KCNC3: variants seen among roughly 807,000 people sequenced by gnomAD.
The protein encoded by KCNC3 is potassium voltage-gated channel subfamily C member 3.
Under a neutral mutation model 43.9 loss-of-function variants are expected in KCNC3, and 22 were observed. The ratio of observed to expected loss-of-function variants is 0.50; its 90% CI spans 0.36 to 0.72. The LOEUF (loss-of-function observed/expected upper bound fraction) is 0.72, where lower values mean the gene tolerates loss of function less well. Among genes scored for constraint, KCNC3 ranks in the 30% least tolerant of loss-of-function variants. The probability of loss-of-function intolerance (pLI) is 0.00; values close to 1 mark genes in which losing one functional copy is unlikely to be tolerated. For synonymous variants in KCNC3, 492 were observed against 488.0 expected (o/e 1.01, Z -0.11); for missense variants, 829 against 1,073.8 (o/e 0.77, Z 3.19).
At chr19:50,320,457 G>C (rs2037015405) in intron 3 of KCNC3, 108 bp from the exon 4 acceptor site, 16 of 770,970 alleles carry the variant, frequency 2.1e-5, no homozygotes, top group Non-Finnish European at 3.4e-5. Flanking sequence ...GGGAAGATCT[G>C]GGAGGGAGGC....
chr19:50,320,427 A>C (rs1472190965), intron 3 of KCNC3, 78 bp from the exon 4 acceptor site: 1 of 626,804 alleles, frequency 1.6e-6, no homozygotes, highest in Non-Finnish European at 2.8e-6. Context: ...AGTGGTGAGG[A>C]AACTTGGGGC....
rs567609291 is a variant in KCNC3, at chr19:50,324,886, A to G, written c.871-804T>C. On this transcript the variant is annotated intron_variant, in intron 1 of 4. Transcript: ENST00000477616. The surrounding 1 kb of genome is among the most constrained non-coding windows in gnomAD (Gnocchi z 4.1). The stretch of plus-strand genomic sequence containing the variant: ...TGGGGGTCCGGGCCCTTAAGGGAGG[A>G]GGGGTTGAAGGGTTAAGCCTGCAAA... Among the ~76,000 whole-genome samples, 1 of 151,666 alleles carries G rather than the reference A, an allele frequency of 6.6e-6. No individual in the cohort carries two copies. The highest frequency in any genetic ancestry group is 1.5e-5 in the Non-Finnish European group (1 of 67,906).
rs1479269550 is a variant in KCNC3 at position 50,323,409 on chromosome 19, G to A, written c.1544C>T (p.Ser515Leu). 1.9e-6 allele frequency: 3 copies of A among 1,614,032 alleles called. No homozygotes were observed. The highest frequency in any genetic ancestry group is 1.7e-5 in the Admixed American group (1 of 60,012). ...GYGDMYPKTW[S>L]GMLVGALCAL... ...ACACAGCGCCCCGACCAGCATCCCCGACCACGTCTTGGGGTACATGTCTCC... is the reference window on the plus strand; with the variant it reads ...ACACAGCGCCCCGACCAGCATCCCCAACCACGTCTTGGGGTACATGTCTCC... Residue 515 changes from serine (S) to leucine (L), a missense_variant, in exon 2 of 5, where the codon TCG (serine) becomes TTG (leucine). By Grantham distance (145) the Ser-to-Leu change is moderately radical (BLOSUM62 -2). Coordinates refer to ENST00000477616, the MANE Select transcript of KCNC3 (RefSeq NM_004977.3).
rs1004733793 is a variant in KCNC3 at position 50,324,393 on chromosome 19, C to T, written c.871-311G>A. ...TGCTGTTTCCTAGACCACCTCCCCC[C>T]ACCCTCCTGTTCCCTGTGTCCTATT... On this transcript the variant is annotated intron_variant, in intron 1 of 4. Coordinates refer to ENST00000477616, the MANE Select transcript of KCNC3 (RefSeq NM_004977.3). The surrounding 1 kb of genome is among the most constrained non-coding windows in gnomAD (Gnocchi z 4.1). Among the ~76,000 whole-genome samples, 11 of 152,204 alleles carry T rather than the reference C, an allele frequency of 7.2e-5. No individual in the cohort carries two copies. The highest frequency in any genetic ancestry group is 1.2e-4 in the Non-Finnish European group (8 of 68,044).
chr19:50,316,545 A>ATT (rs1401353146), intron 4 of KCNC3, among the ~76,000 whole-genome samples: 1 of 152,108 alleles, frequency 6.6e-6, no homozygotes, highest in African/African-American at 2.4e-5. Context: ...GTTCGAGACC[A>ATT]GCCTGGCCAA....
chr19:50,324,139 A>C lies in KCNC3; in HGVS notation c.871-57T>G. On this transcript the variant is annotated intron_variant, in intron 1 of 4. Coordinates refer to ENST00000477616, the MANE Select transcript of KCNC3 (RefSeq NM_004977.3). The surrounding 1 kb of genome is among the most constrained non-coding windows in gnomAD (Gnocchi z 4.1). ...AGGTGACCTAGGCATCAGGTTGGCC[A>C]TAACATCCAGAAGACCCTTCCAGTG... 6.6e-7 allele frequency: 1 copy of C among 1,516,956 alleles called. No homozygotes were observed. Among genetic ancestry groups the C allele is most frequent in the Non-Finnish European group, 8.8e-7 (1 of 1,131,050 alleles). 94.0% of individuals were successfully genotyped at this position (1,516,956 alleles called of 1,614,324 possible).
chr19:50,314,816 G>A lies in KCNC3; in HGVS notation c.*1299C>T, dbSNP rs1481121324. ...CCCCAGCTCCTTTGACCTTCTTCCCGGTCACCCCCGAGTCCCCCCACAGGG... is the reference window on the plus strand; with the variant it reads ...CCCCAGCTCCTTTGACCTTCTTCCCAGTCACCCCCGAGTCCCCCCACAGGG... On this transcript the variant is annotated 3_prime_UTR_variant, in exon 5 of 5. Coordinates refer to ENST00000477616, the MANE Select transcript of KCNC3 (RefSeq NM_004977.3). 5 of 371,306 alleles carry A rather than the reference G, an allele frequency of 1.3e-5. No homozygotes were observed. The highest frequency in any genetic ancestry group is 2.2e-5 in the African/African-American group (1 of 45,010). The allele number at this position is 371,306 out of a possible 1,614,324, so 23.0% of individuals were successfully genotyped here.
chr19:50,329,016 G>T lies in KCNC3; in HGVS notation c.67C>A (p.Pro23Thr). ...RQGASKQQPA[P>T]PPQPPESPPP... ...GGGGACTCGGGCGGCTGCGGCGGTGGCGCCGGCTGCTGCTTGCTGGCCCCC... is the reference window on the plus strand; with the variant it reads ...GGGGACTCGGGCGGCTGCGGCGGTGTCGCCGGCTGCTGCTTGCTGGCCCCC... Residue 23 changes from proline (P) to threonine (T), a missense_variant, in exon 1 of 5, where the codon CCA becomes ACA. Transcript: ENST00000477616. 1.5e-6 allele frequency: 2 copies of T among 1,316,460 alleles called. No individual in the cohort carries two copies. The highest frequency in any genetic ancestry group is 2.0e-6 in the Non-Finnish European group (2 of 1,025,572). 81.5% of individuals were successfully genotyped at this position (1,316,460 alleles called of 1,614,324 possible). A position where few individuals can be genotyped will look rare whatever the true frequency, so the allele number is the denominator to read the frequency against.
At position 50,320,369 on chromosome 19, in the gene KCNC3, C is replaced by T; in HGVS notation, c.2171-20G>A. 1 of 524,536 alleles carries T rather than the reference C, an allele frequency of 1.9e-6. No individual in the cohort carries two copies. The highest frequency in any genetic ancestry group is 3.3e-6 in the Non-Finnish European group (1 of 305,818). The allele number at this position is 524,536 out of a possible 1,614,324, so 32.5% of individuals were successfully genotyped here. On this transcript the variant is annotated intron_variant, in intron 3 of 4. Transcript: ENST00000477616. ...CAGTGGCTGGGGGTGGGGGAAGAGG[C>T]CAGAGAGTTGGGGGGAATGGACATG...
rs1293893731 is a variant in KCNC3, at chr19:50,315,276, G to C, written c.*839C>G. On this transcript the variant is annotated 3_prime_UTR_variant, in exon 5 of 5. Transcript: ENST00000477616. The stretch of plus-strand genomic sequence containing the variant: ...AGTCAGTCAACATCGATGAGAAAGG[G>C]GGAGACATCGGGGAGGGGGGAGAGA... Among the ~76,000 whole-genome samples, 1 of 151,794 alleles carries C rather than the reference G, an allele frequency of 6.6e-6. No homozygotes were observed. The highest frequency in any genetic ancestry group is 2.4e-5 in the African/African-American group (1 of 41,300).
upstream of KCNC3, among the ~76,000 whole-genome samples, chr19:50,331,737 C>T (rs920003357): frequency 6.6e-6 from 1 of 151,934 alleles, no homozygotes; most frequent in African/African-American, 2.4e-5. Flanking sequence ...GTTTCTGCCT[C>T]TTCACTTTCT....
In KCNC3 at chr19:50,328,846, C is replaced by A. The variant is rs779481717; in HGVS notation, c.237G>T (p.Arg79=). 2 of 1,464,918 alleles carry A rather than the reference C, an allele frequency of 1.4e-6. No homozygotes were observed. The highest frequency in any genetic ancestry group is 2.6e-5 in the South Asian group (2 of 77,336). 90.7% of individuals were successfully genotyped at this position (1,464,918 alleles called of 1,614,324 possible). ...CPGLPAAAMG[R]HGGGGGDSGK... ...CGCTGTCGCCACCGCCGCCGCCGTGCCGCCCCATGGCCGCCGCCGGCAGCC... is the reference window on the plus strand; with the variant it reads ...CGCTGTCGCCACCGCCGCCGCCGTGACGCCCCATGGCCGCCGCCGGCAGCC... Residue 79 remains arginine, a synonymous_variant, in exon 1 of 5, where the codon CGG becomes CGT. Coordinates refer to ENST00000477616, the MANE Select transcript of KCNC3 (RefSeq NM_004977.3).
At position 50,323,080 on chromosome 19, in the gene KCNC3, T is replaced by C. The variant is rs2037054448; in HGVS notation, c.1873A>G (p.Arg625Gly). ...ATCCCCAGCCCACCCGCTCCCCCCC[T>C]GAGCAGCCCGGGGTGCGTGTGGGGC... is the stretch of plus-strand genomic sequence containing the variant. Reference protein sequence around the residue: ...AGPHTHPGLLRGGAGGLGIMG... With the variant: ...AGPHTHPGLLGGGAGGLGIMG... Residue 625 changes from arginine to glycine, a missense_variant, in exon 2 of 5, where the codon AGG becomes GGG. Arg to Gly is a moderately radical substitution (Grantham distance 125). Around this residue, in one of 7 missense-constraint regions of KCNC3, gnomAD observed 308 missense variants for 276.2 expected, o/e 1.11. Transcript: ENST00000477616. The C allele has an allele frequency of 2.6e-6, 4 of 1,539,490 alleles. No homozygotes were observed. Among genetic ancestry groups the C allele is most frequent in the Non-Finnish European group, 3.5e-6 (4 of 1,143,390 alleles).
rs114185349 is a variant in KCNC3 at position 50,314,603 on chromosome 19, G to T, written c.*1512C>A. 1,403 of 327,640 alleles carry T rather than the reference G, an allele frequency of 4.3e-3. 23 individuals carry two copies. The highest frequency in any genetic ancestry group is 0.03 in the African/African-American group (1,317 of 43,654). The allele number at this position is 327,640 out of a possible 1,614,324, so 20.3% of individuals were successfully genotyped here. On this transcript the variant is annotated 3_prime_UTR_variant, in exon 5 of 5. Transcript: ENST00000477616. ...GGCAGGGGGATGTCCTATGGCTCGT[G>T]GAGACCTGAGAAGGCTTTTTTTGGG...
chr19:50,333,177 C>A (rs1003599721), upstream of KCNC3, among the ~76,000 whole-genome samples: 2 of 152,122 alleles, frequency 1.3e-5, no homozygotes, highest in African/African-American at 4.8e-5. Context: ...TCGCCCCCTC[C>A]CCCGTACTCA....
rs925121623 is a variant in KCNC3 at position 50,312,844 on chromosome 19, G to A, written c.*3271C>T. On this transcript the variant is annotated 3_prime_UTR_variant, in exon 5 of 5. Transcript: ENST00000477616. ...TAATCAGTCCCCACCCCGTACCCTG[G>A]TGTCTGGAGCCCCTAGCCCTTTGCC... 6.6e-6 allele frequency: 1 copy of A among 151,882 alleles called. No homozygotes were observed. 9.4% of individuals were successfully genotyped at this position (151,882 alleles called of 1,614,324 possible).
intron 4 of KCNC3, among the ~76,000 whole-genome samples, chr19:50,317,291 G>A: frequency 6.6e-6 from 1 of 152,084 alleles, no homozygotes; most frequent in Non-Finnish European, 1.5e-5. Flanking sequence ...CCGGAAGCCT[G>A]GGGTCTCGGC....
Position 50,323,855 on chromosome 19 carries a change from G to T in KCNC3, c.1098C>A (p.Arg366=), listed in dbSNP as rs1455550384. 14 of 1,614,182 alleles carry T rather than the reference G, an allele frequency of 8.7e-6. No homozygotes were observed. The highest frequency in any genetic ancestry group is 1.2e-5 in the Non-Finnish European group (14 of 1,180,034). ...VVWFTFEFLM[R]ITFCPDKVEF... ...CCACCTTGTCTGGGCAGAAGGTGAT[G>T]CGCATGAGGAACTCGAAGGTGAACC... is the stretch of plus-strand genomic sequence containing the variant. Residue 366 remains arginine (R), a synonymous_variant, in exon 2 of 5, where the codon CGC becomes CGA. Transcript: ENST00000477616.
At chr19:50,316,404 C>G (rs2036954701) in intron 4 of KCNC3, among the ~76,000 whole-genome samples, 1 of 151,610 alleles carries the variant, frequency 6.6e-6, no homozygotes, top group Non-Finnish European at 1.5e-5. Flanking sequence ...GGAGGACAAG[C>G]CTGGAGGAAA....
Sources: allele counts gnomAD v4.1 joint callset (sites outside exome capture counted in the v4.1 genomes callset), GRCh38; gene constraint gnomAD v4.1.1; regional missense constraint gnomAD v4.1.1; non-coding constraint Gnocchi (gnomAD v3.1); transcripts MANE v1.5; gene names NCBI Gene and HGNC (gene_info 2026-07-23, HGNC 2026-07-21).